Variants in MYLK observed in about 807,000 individuals in gnomAD.
MYLK encodes myosin light chain kinase, smooth muscle.
Under a neutral mutation model 203.4 loss-of-function variants are expected in MYLK, and 106 were observed. The observed-to-expected ratio is 0.52, with a 90% CI of 0.45 to 0.61. The LOEUF (loss-of-function observed/expected upper bound fraction) is 0.61. Among genes scored for constraint, MYLK ranks in the 20% least tolerant of loss-of-function variants. MYLK has a pLI of 0.00. For synonymous variants in MYLK, 867 were observed against 959.5 expected, an observed-to-expected ratio of 0.90 and a Z score of 1.78; for missense variants, 2,072 against 2,442.3, an observed-to-expected ratio of 0.85 and a Z score of 3.20.
chr3:123,752,236 CT>C, intron 5 of MYLK, 94 bp downstream of exon 5: 1 of 1,313,768 alleles, frequency 7.6e-7, no homozygotes, highest in Non-Finnish European at 1.1e-6. Context: ...TTGTCAGTTC[CT>C]CCATCCTTCA....
At chr3:123,701,878 T>G (rs2061245532) in intron 16 of MYLK, among the ~76,000 whole-genome samples, 1 of 152,200 alleles carries the variant, frequency 6.6e-6, no homozygotes, top group African/African-American at 2.4e-5. Flanking sequence ...ATGTAGCAGG[T>G]TGGTCTAGAC....
intron 27 of MYLK, among the ~76,000 whole-genome samples, chr3:123,646,174 A>G (rs2059014979): frequency 6.6e-6 from 1 of 152,202 alleles, no homozygotes; most frequent in African/African-American, 2.4e-5. Flanking sequence ...AGTATATGAC[A>G]GTGAGTATAA....
intron 29 of MYLK, among the ~76,000 whole-genome samples, chr3:123,636,295 C>T (rs1346419748): frequency 6.6e-6 from 1 of 152,226 alleles, no homozygotes; most frequent in African/African-American, 2.4e-5. Context: ...ACGTGGGCTT[C>T]CTTGGCCCCT....
At chr3:123,777,841 C>G (rs1027551043) in intron 4 of MYLK, among the ~76,000 whole-genome samples, 1 of 152,202 alleles carries the variant, frequency 6.6e-6, no homozygotes, top group African/African-American at 2.4e-5. Flanking sequence ...TATACCCACA[C>G]GTGATCTCCA....
rs974783049 is a variant in MYLK at position 123,640,129 on chromosome 3, C to G, written c.4837+158G>C. ...TGATGGGGAATTTGAGGCTTACTGT[C>G]ACGTCTAGTATGTGGTAGGGGCAGG... is the stretch of plus-strand genomic sequence containing the variant. On this transcript the variant is annotated intron_variant, in intron 28 of 33. Coordinates refer to ENST00000360304, the MANE Select transcript of MYLK (RefSeq NM_053025.4). This position sits in a 1 kb window ranked among gnomAD's most constrained non-coding sequence, Gnocchi z 4.3. Among the ~76,000 whole-genome samples, 2 of 151,900 alleles carry G rather than the reference C, an allele frequency of 1.3e-5. No individual in the cohort carries two copies. The highest frequency in any genetic ancestry group is 2.1e-4 in the South Asian group (1 of 4,818).
intron 5 of MYLK, 52 bp from the exon 6 acceptor site, chr3:123,740,053 T>C: frequency 6.3e-7 from 1 of 1,597,146 alleles, no homozygotes; most frequent in Non-Finnish European, 8.6e-7. Context: ...CTTGGAGCAA[T>C]GAAAGTAAAA....
intron 4 of MYLK, among the ~76,000 whole-genome samples, chr3:123,779,543 G>C (rs191664098): frequency 1.4e-4 from 22 of 152,236 alleles, no homozygotes; most frequent in Non-Finnish European, 2.9e-4. Flanking sequence ...CTAAACTCCA[G>C]CTCTCAACAG....
intron 31 of MYLK, 81 bp from the exon 32 acceptor site, chr3:123,620,417 G>A (rs749676754): frequency 6.2e-7 from 1 of 1,605,136 alleles, no homozygotes. Flanking sequence ...AGGGAGTAGA[G>A]CCCAGCCCCA....
intron 3 of MYLK, among the ~76,000 whole-genome samples, chr3:123,798,558 C>T (rs1438772057): frequency 6.6e-6 from 1 of 152,160 alleles, no homozygotes; most frequent in East Asian, 1.9e-4. Context: ...ATGGAAATCT[C>T]CTGAAGGCCC....
At chr3:123,811,648 G>A (rs1011098288) in intron 3 of MYLK, among the ~76,000 whole-genome samples, 1 of 152,144 alleles carries the variant, frequency 6.6e-6, no homozygotes, top group Non-Finnish European at 1.5e-5. Context: ...AGCATTTATT[G>A]AGTGTTAGAT....
chr3:123,616,709 G>A (rs1460907524), intron 33 of MYLK: 1 of 152,136 alleles, frequency 6.6e-6, no homozygotes, highest in Non-Finnish European at 1.5e-5. Flanking sequence ...TAATGGGTGA[G>A]TTATTGCTCT....
intron 19 of MYLK, among the ~76,000 whole-genome samples, chr3:123,685,798 G>A (rs1437703615): frequency 1.3e-5 from 2 of 152,102 alleles, no homozygotes; most frequent in African/African-American, 4.8e-5. Flanking sequence ...TTCACTGGAC[G>A]TGTCAGTACA....
intron 27 of MYLK, chr3:123,646,890 A>C: frequency 3.0e-6 from 1 of 333,064 alleles, no homozygotes; most frequent in Non-Finnish European, 5.6e-6. Context: ...AATGCCCCAA[A>C]TGAAACCAAG....
At chr3:123,739,203 CT>C (rs1228704144) in intron 6 of MYLK, 141 bp from the exon 7 acceptor site, 1 of 949,124 alleles carries the variant, frequency 1.1e-6, no homozygotes, top group Non-Finnish European at 1.6e-6. Flanking sequence ...CAGAAACTTT[CT>C]CATGCTCTCT....
intron 33 of MYLK, chr3:123,617,682 T>C (rs2057584175): frequency 6.6e-6 from 1 of 152,236 alleles, no homozygotes; most frequent in Admixed American, 6.5e-5. Flanking sequence ...CTGTGCTTTA[T>C]TTGGTCAGAC....
chr3:123,827,028 C>A (rs1350962216), intron 3 of MYLK, among the ~76,000 whole-genome samples: 1 of 152,064 alleles, frequency 6.6e-6, no homozygotes, highest in African/African-American at 2.4e-5. Context: ...AATATGTTAC[C>A]TCCCAAGAAA....
At position 123,666,316 on chromosome 3, in the gene MYLK, T is replaced by G; in HGVS notation, c.3734A>C (p.Glu1245Ala). ...AMPPQIIQFPEDQKVRAGESV... is the reference protein window; with the variant it reads ...AMPPQIIQFPADQKVRAGESV... Reference sequence around the variant, plus strand: ...CTCTCCTGCGCGTACCTTCTGGTCCTCAGGGAACTGGATGATCTGAGGGGG... The same window carrying G: ...CTCTCCTGCGCGTACCTTCTGGTCCGCAGGGAACTGGATGATCTGAGGGGG... The change falls in exon 22 of 34, where the codon GAG becomes GCG. Residue 1245 changes from glutamate to alanine, a missense_variant. This residue lies in a region of MYLK where 865 missense variants were observed against 1,016.0 expected (regional missense o/e 0.85). Coordinates refer to ENST00000360304, the MANE Select transcript of MYLK (RefSeq NM_053025.4). 1 of 1,614,206 alleles carries G rather than the reference T, an allele frequency of 6.2e-7. No homozygotes were observed. The highest frequency in any genetic ancestry group is 8.5e-7 in the Non-Finnish European group (1 of 1,180,032).
chr3:123,626,569 G>C (rs2058158336), intron 31 of MYLK, among the ~76,000 whole-genome samples: 1 of 152,154 alleles, frequency 6.6e-6, no homozygotes, highest in South Asian at 2.1e-4. Context: ...GGTCCCCTGG[G>C]GCAAAGGTGA....
In MYLK at chr3:123,681,799, G is replaced by A. The variant is rs558723599; in HGVS notation, c.3652+425C>T. On this transcript the variant is annotated intron_variant, in intron 20 of 33. Coordinates refer to ENST00000360304, the MANE Select transcript of MYLK (RefSeq NM_053025.4). ...TGGAGCTTTGCTTGTGGGTTTTGCAGGCTCTGGGGGCCACTGCATATTTCA... is the reference window on the plus strand; with the variant it reads ...TGGAGCTTTGCTTGTGGGTTTTGCAAGCTCTGGGGGCCACTGCATATTTCA... The A allele has an allele frequency of 2.1e-5, 5 of 241,968 alleles. No homozygotes were observed. In the East Asian group the frequency reaches 4.6e-4, roughly 22 times the overall value. 15.0% of individuals were successfully genotyped at this position (241,968 alleles called of 1,614,324 possible).
Sources: allele counts gnomAD v4.1 joint callset (sites outside exome capture counted in the v4.1 genomes callset), GRCh38; gene constraint gnomAD v4.1.1; regional missense constraint gnomAD v4.1.1; non-coding constraint Gnocchi (gnomAD v3.1); transcripts MANE v1.5; gene names NCBI Gene and HGNC (gene_info 2026-07-23, HGNC 2026-07-21).